Variants in KDM2B observed in about 807,000 individuals in gnomAD.
KDM2B encodes the protein lysine demethylase 2B.
KDM2B carries 26 observed loss-of-function variants against 150.0 expected under a neutral mutation model. That is an observed-to-expected ratio of 0.17 (90% CI 0.13 to 0.24). The LOEUF (loss-of-function observed/expected upper bound fraction) is 0.24. Ranked by LOEUF, KDM2B falls within the 10% of genes least tolerant of loss-of-function variation. The probability of loss-of-function intolerance (pLI) is 1.00; values close to 1 mark genes in which losing one functional copy is unlikely to be tolerated. For missense variants in KDM2B, 1,265 were observed against 1,816.9 expected, an observed-to-expected ratio of 0.70 and a Z score of 5.52; for synonymous variants, 734 against 729.5, an observed-to-expected ratio of 1.01 and a Z score of -0.10.
intron 6 of KDM2B, among the ~76,000 whole-genome samples, chr12:121,542,769 A>T (rs1362371853): frequency 1.3e-5 from 2 of 152,184 alleles, no homozygotes; most frequent in African/African-American, 2.4e-5. Context: ...CATTCAGCCC[A>T]ATCCTTTTTC....
rs1345587159 is a variant in KDM2B at position 121,429,961 on chromosome 12, A to T, written c.*327T>A. On this transcript the variant is annotated 3_prime_UTR_variant, in exon 23 of 23. Coordinates refer to ENST00000377071, the MANE Select transcript of KDM2B (RefSeq NM_032590.5). ...ATGAAGTGTCCAAAACACCACTACC[A>T]CTAACAGAAACTCCTAAGCTCATGC... The T allele has an allele frequency of 4.3e-6, 3 of 704,376 alleles. No individual in the cohort carries two copies. Among genetic ancestry groups the T allele is most frequent in the African/African-American group, 3.6e-5 (2 of 56,312 alleles). 43.6% of individuals were successfully genotyped at this position (704,376 alleles called of 1,614,324 possible). A position where few individuals can be genotyped will look rare whatever the true frequency, so the allele number is the denominator to read the frequency against.
rs73224254 is a variant in KDM2B at position 121,432,963 on chromosome 12, G to A, written c.3830-2494C>T. Among the ~76,000 whole-genome samples, 770 of 152,346 alleles carry A rather than the reference G, an allele frequency of 5.1e-3. 4 individuals are homozygous for A. Among genetic ancestry groups the A allele is most frequent in the Non-Finnish European group, 8.8e-3 (599 of 68,030 alleles). ...TCTGCCATCTGGCTGGCACACTGCT[G>A]TGGCCTGTAGCTGTCAGACGGCTGA... On this transcript the variant is annotated intron_variant, in intron 22 of 22. Transcript: ENST00000377071.
intron 12 of KDM2B, among the ~76,000 whole-genome samples, chr12:121,454,320 G>T (rs1371545315): frequency 6.6e-6 from 1 of 152,124 alleles, no homozygotes; most frequent in Admixed American, 6.5e-5. Context: ...TAACCTTTAG[G>T]TCCCTGACTA....
intron 12 of KDM2B, among the ~76,000 whole-genome samples, chr12:121,466,651 G>C (rs1593848165): frequency 1.3e-5 from 2 of 150,928 alleles, no homozygotes; most frequent in African/African-American, 4.8e-5. Context: ...AAAAGCTCGG[G>C]CCGTCGGGCC....
chr12:121,550,963 G>A (rs933512043), intron 4 of KDM2B, among the ~76,000 whole-genome samples: 1 of 152,104 alleles, frequency 6.6e-6, no homozygotes, highest in Non-Finnish European at 1.5e-5. Flanking sequence ...CACGGTCATC[G>A]GTTCACATAT....
At chr12:121,459,832 G>GA (rs1205908155) in intron 12 of KDM2B, among the ~76,000 whole-genome samples, 1,256 of 113,060 alleles carry the variant, frequency 0.011, 2 homozygotes, top group Admixed American at 0.013. Context: ...CTCCATCTCA[G>GA]AAAAAAAAAA....
intron 11 of KDM2B, among the ~76,000 whole-genome samples, chr12:121,504,461 G>C (rs1377284858): frequency 1.3e-5 from 2 of 152,232 alleles, no homozygotes; most frequent in East Asian, 3.9e-4. Flanking sequence ...CTTGAGCCTG[G>C]GGGGTTGAGG....
At chr12:121,424,772 T>A (rs1435238141), downstream of KDM2B, among the ~76,000 whole-genome samples, 3 of 152,124 alleles carry the variant, frequency 2.0e-5, no homozygotes, top group African/African-American at 7.2e-5. Flanking sequence ...GTGCTTACAT[T>A]TCCTGCTTGC....
chr12:121,501,287 G>A (rs1296827195), intron 11 of KDM2B, among the ~76,000 whole-genome samples: 1 of 152,152 alleles, frequency 6.6e-6, no homozygotes, highest in Non-Finnish European at 1.5e-5. Flanking sequence ...GCTGAGGCAC[G>A]AGAATTGCTT....
At chr12:121,472,851 TAA>T (rs1555296086) in intron 12 of KDM2B, among the ~76,000 whole-genome samples, 1 of 152,134 alleles carries the variant, frequency 6.6e-6, no homozygotes, top group Non-Finnish European at 1.5e-5. Context: ...CACCCCCACA[TAA>T]AAACATGAGA....
chr12:121,474,420 G>A (rs1881119084), intron 12 of KDM2B, among the ~76,000 whole-genome samples: 1 of 152,078 alleles, frequency 6.6e-6, no homozygotes, highest in Admixed American at 6.6e-5. Context: ...GGAGGCTGAG[G>A]CACGAGAATG....
chr12:121,428,384 G>T (rs1433445499), downstream of KDM2B, among the ~76,000 whole-genome samples: 1 of 151,846 alleles, frequency 6.6e-6, no homozygotes, highest in Non-Finnish European at 1.5e-5. Flanking sequence ...GTAGAGATGG[G>T]GTTTCACCAT....
rs549692947 is a variant in KDM2B, at chr12:121,430,647, G to A, written c.3830-178C>T. The A allele has an allele frequency of 1.2e-5, 7 of 602,418 alleles. No individual in the cohort carries two copies. The East Asian group carries it at 1.9e-4, about 17-fold the overall frequency. The allele number at this position is 602,418 out of a possible 1,614,324, so 37.3% of individuals were successfully genotyped here. A position where few individuals can be genotyped will look rare whatever the true frequency, so the allele number is the denominator to read the frequency against. On this transcript the variant is annotated intron_variant, in intron 22 of 22. Transcript: ENST00000377071. The surrounding 1 kb of genome is among the most constrained non-coding windows in gnomAD (Gnocchi z 4.4). ...AATCTCTCTTCTTCAAACGGGGAAG[G>A]GTCTCACCCGCCAGGTATAAAGGTT...
At chr12:121,450,410 C>T (rs1877042711) in intron 13 of KDM2B, among the ~76,000 whole-genome samples, 1 of 151,642 alleles carries the variant, frequency 6.6e-6, no homozygotes, top group African/African-American at 2.4e-5. Flanking sequence ...GACAGACAAA[C>T]AGCCAATAAG....
At chr12:121,478,921 T>C in intron 12 of KDM2B, among the ~76,000 whole-genome samples, 1 of 129,832 alleles carries the variant, frequency 7.7e-6, no homozygotes, top group African/African-American at 2.6e-5. Context: ...TTTCGTCATG[T>C]TGCCTAGGCT....
intron 9 of KDM2B, among the ~76,000 whole-genome samples, chr12:121,514,696 T>C (rs1196405822): frequency 6.6e-6 from 1 of 150,582 alleles, no homozygotes; most frequent in Non-Finnish European, 1.5e-5. Context: ...TTCTCCCACC[T>C]TCTAATCACA....
chr12:121,552,676 T>TAA lies in KDM2B; in HGVS notation c.398-3040_398-3039dup, dbSNP rs5801436. ...TGACATGGTGAGACTCTGTCTTAAT[T>TAA]AAAAAAAAAAAAAAAAAAGATTCCA... On this transcript the variant is annotated intron_variant, in intron 4 of 22. Transcript: ENST00000377071. 8.9e-3 allele frequency among the ~76,000 whole-genome samples: 1,173 copies of TAA among 131,804 alleles called. 5 individuals are homozygous for TAA. Among genetic ancestry groups the TAA allele is most frequent in the South Asian group, 0.028 (115 of 4,072 alleles). 86.5% of individuals were successfully genotyped at this position (131,804 alleles called of 152,430 possible).
intron 11 of KDM2B, among the ~76,000 whole-genome samples, chr12:121,500,739 C>T (rs1884460251): frequency 6.6e-6 from 1 of 152,172 alleles, no homozygotes; most frequent in Non-Finnish European, 1.5e-5. Context: ...CTCTCAAGTA[C>T]CCTCCCTCCA....
chr12:121,422,445 T>C, the KDM2B span, among the ~76,000 whole-genome samples: 1 of 152,246 alleles, frequency 6.6e-6, no homozygotes. Context: ...TTGAGTTGCC[T>C]AGTGCCTTCT....
Sources: gnomAD v4.1 joint callset for allele counts (sites outside exome capture counted in the v4.1 genomes callset) on GRCh38, gnomAD v4.1.1 for gene constraint, Gnocchi (gnomAD v3.1) non-coding constraint, MANE v1.5 for transcripts, NCBI Gene and HGNC (gene_info 2026-07-23, HGNC 2026-07-21) for gene names.